The following ARHGAP22 variants were observed in gnomAD, a reference collection of about 807,000 sequenced individuals.
ARHGAP22 encodes rho GTPase-activating protein 22.
In ARHGAP22, 48 loss-of-function variants were observed where a neutral mutation model predicts 59.1. That is an observed-to-expected ratio of 0.81 (90% CI 0.64 to 1.03). The LOEUF is 1.03. Ranked by LOEUF, ARHGAP22 falls within the 50% of genes least tolerant of loss-of-function variation. The probability of loss-of-function intolerance (pLI) is 0.00; values close to 1 mark genes in which losing one functional copy is unlikely to be tolerated. For synonymous variants in ARHGAP22, 445 were observed against 416.4 expected, an observed-to-expected ratio of 1.07 and a Z score of -0.84; for missense variants, 1,015 against 958.7, an observed-to-expected ratio of 1.06 and a Z score of -0.78.
At chr10:48,598,319 C>G (rs1216022318) in intron 1 of ARHGAP22, among the ~76,000 whole-genome samples, 1 of 152,210 alleles carries the variant, frequency 6.6e-6, no homozygotes, top group African/African-American at 2.4e-5. Context: ...GAACCTCAGG[C>G]AGCAACAGAT....
intron 3 of ARHGAP22, chr10:48,523,933 T>C (rs1202921202): frequency 6.2e-6 from 5 of 808,960 alleles, no homozygotes; most frequent in Non-Finnish European, 8.4e-6. Context: ...ACCTGAGCCC[T>C]TTCCAAAGCT....
At chr10:48,610,914 G>C (rs1369617724) in intron 1 of ARHGAP22, among the ~76,000 whole-genome samples, 8 of 152,224 alleles carry the variant, frequency 5.3e-5, no homozygotes, top group Non-Finnish European at 4.4e-5. Flanking sequence ...CTGCAGTTGG[G>C]CAGTGAGTCC....
intron 5 of ARHGAP22, among the ~76,000 whole-genome samples, chr10:48,456,068 G>T (rs1261306126): frequency 6.6e-6 from 1 of 152,182 alleles, no homozygotes; most frequent in Non-Finnish European, 1.5e-5. Context: ...CTGCAGTTCA[G>T]GTCCTAAACG....
At chr10:48,632,808 G>A (rs1235280770) in intron 1 of ARHGAP22, among the ~76,000 whole-genome samples, 6 of 152,162 alleles carry the variant, frequency 3.9e-5, no homozygotes, top group South Asian at 2.1e-4. Flanking sequence ...ATGCCAGAGC[G>A]AAATCATTGA....
intron 9 of ARHGAP22, among the ~76,000 whole-genome samples, chr10:48,449,864 C>A (rs1238141776): frequency 6.6e-6 from 1 of 152,226 alleles, no homozygotes; most frequent in Admixed American, 6.5e-5. Flanking sequence ...GGCCTGGGCA[C>A]TTCCTGGCAC....
chr10:48,591,798 T>C (rs922156446), intron 1 of ARHGAP22, among the ~76,000 whole-genome samples: 3 of 152,064 alleles, frequency 2.0e-5, no homozygotes, highest in African/African-American at 7.2e-5. Flanking sequence ...TCCTTGAGCC[T>C]GGGAGGCAGA....
intron 3 of ARHGAP22, among the ~76,000 whole-genome samples, chr10:48,529,940 T>C (rs1263681454): frequency 6.6e-6 from 1 of 152,140 alleles, no homozygotes; most frequent in African/African-American, 2.4e-5. Flanking sequence ...TCTCAACTTA[T>C]ATAAAAATCA....
At chr10:48,577,810 T>TGG (rs1282697817) in intron 2 of ARHGAP22, among the ~76,000 whole-genome samples, 2,714 of 114,660 alleles carry the variant, frequency 0.024, 94 homozygotes, top group African/African-American at 0.083. Flanking sequence ...GGTTTTTTTT[T>TGG]TTTTTTTTTT....
chr10:48,457,444 C>A (rs2046653714), intron 5 of ARHGAP22, among the ~76,000 whole-genome samples: 1 of 152,120 alleles, frequency 6.6e-6, no homozygotes, highest in South Asian at 2.1e-4. Context: ...CTGTCAAGAC[C>A]CACCCCCCTT....
At chr10:48,631,768 T>A (rs373884862) in intron 1 of ARHGAP22, among the ~76,000 whole-genome samples, 4 of 152,200 alleles carry the variant, frequency 2.6e-5, no homozygotes, top group African/African-American at 9.7e-5. Flanking sequence ...ACCTGTTAGA[T>A]CCATTAAGCA....
intron 1 of ARHGAP22, among the ~76,000 whole-genome samples, chr10:48,601,269 A>G (rs2060364259): frequency 6.6e-6 from 1 of 152,190 alleles, no homozygotes; most frequent in South Asian, 2.1e-4. Context: ...GAAGGGCAGA[A>G]TCTTCCAGGG....
chr10:48,587,838 A>C (rs185068905), intron 1 of ARHGAP22, among the ~76,000 whole-genome samples: 2 of 152,318 alleles, frequency 1.3e-5, no homozygotes, highest in Non-Finnish European at 2.9e-5. Context: ...GGGCTGGTGC[A>C]CATTAGGAGC....
At chr10:48,453,755 G>C (rs1186232822) in intron 7 of ARHGAP22, among the ~76,000 whole-genome samples, 1 of 152,228 alleles carries the variant, frequency 6.6e-6, no homozygotes, top group Non-Finnish European at 1.5e-5. Flanking sequence ...TCAGTGTCTA[G>C]GATGGGGATA....
intron 3 of ARHGAP22, among the ~76,000 whole-genome samples, chr10:48,530,577 A>G (rs975503337): frequency 5.9e-5 from 9 of 152,086 alleles, no homozygotes; most frequent in African/African-American, 2.2e-4. Context: ...AACAAGAAGA[A>G]AACAAACAAT....
chr10:48,516,331 C>T (rs2053284017), intron 3 of ARHGAP22, among the ~76,000 whole-genome samples: 1 of 152,090 alleles, frequency 6.6e-6, no homozygotes, highest in African/African-American at 2.4e-5. Context: ...TTGAGACGAG[C>T]TTGGGCAACA....
At chr10:48,603,512 T>C (rs1436442881) in intron 1 of ARHGAP22, among the ~76,000 whole-genome samples, 1 of 152,234 alleles carries the variant, frequency 6.6e-6, no homozygotes, top group Middle Eastern at 3.2e-3. Flanking sequence ...GGTGTGTCTT[T>C]TTCTCAATTT....
chr10:48,560,254 G>T (rs1393542472), intron 2 of ARHGAP22, among the ~76,000 whole-genome samples: 1 of 152,136 alleles, frequency 6.6e-6, no homozygotes, highest in Non-Finnish European at 1.5e-5. Context: ...TACTGGGATT[G>T]TGATCGGGAT....
chr10:48,585,616 A>T (rs187243749), intron 1 of ARHGAP22, among the ~76,000 whole-genome samples: 77 of 152,276 alleles, frequency 5.1e-4, no homozygotes, highest in African/African-American at 1.8e-3. Context: ...CAGCATTCAC[A>T]GGAGGCCTCA....
At chr10:48,434,789 G>A in the ARHGAP22 span, 4 of 1,152,340 alleles carry the variant, frequency 3.5e-6, no homozygotes, top group Non-Finnish European at 4.7e-6. Flanking sequence ...AAACCCAAGA[G>A]AAAAAAATTA....
Sources: allele counts gnomAD v4.1 joint callset (sites outside exome capture counted in the v4.1 genomes callset), GRCh38; gene constraint gnomAD v4.1.1; transcripts MANE v1.5; gene names NCBI Gene and HGNC (gene_info 2026-07-23, HGNC 2026-07-21).